The following EPM2A variants were observed in gnomAD, a reference collection of about 807,000 sequenced individuals.
The protein encoded by EPM2A is EPM2A glucan phosphatase, laforin, also known as laforin.
Under a neutral mutation model 26.5 loss-of-function variants are expected in EPM2A, and 21 were observed. That is an observed-to-expected ratio of 0.79 (90% confidence interval 0.56 to 1.14). The LOEUF is 1.14. Among genes scored for constraint, EPM2A ranks in the 50% most tolerant of loss-of-function variants. EPM2A has a pLI of 0.00. For synonymous variants in EPM2A, 217 were observed against 177.6 expected, an observed-to-expected ratio of 1.22 and a Z score of -1.76; for missense variants, 458 against 440.8, an observed-to-expected ratio of 1.04 and a Z score of -0.35.
intron 1 of EPM2A, among the ~76,000 whole-genome samples, chr6:145,732,564 G>T (rs1306383236): frequency 2.0e-5 from 3 of 152,008 alleles, no homozygotes; most frequent in Non-Finnish European, 4.4e-5. Context: ...GACATTGTGA[G>T]AACTGGTTTA....
intron 4 of EPM2A, among the ~76,000 whole-genome samples, chr6:145,428,354 A>G (rs1161501798): frequency 6.6e-6 from 1 of 152,064 alleles, no homozygotes; most frequent in Admixed American, 6.5e-5. Context: ...TCTGACATTT[A>G]ACTTTTATTT....
chr6:145,680,748 T>A (rs1780463528), intron 2 of EPM2A, among the ~76,000 whole-genome samples: 2 of 152,334 alleles, frequency 1.3e-5, no homozygotes, highest in East Asian at 3.9e-4. Context: ...TGCATAGTAT[T>A]CCATGGTGCA....
chr6:145,575,656 A>T (rs138634690), intron 2 of EPM2A, among the ~76,000 whole-genome samples: 113 of 152,320 alleles, frequency 7.4e-4, no homozygotes, highest in African/African-American at 2.6e-3. Flanking sequence ...GTATAGAGTC[A>T]CTAAACTCCT....
At chr6:145,586,639 T>C (rs1167947588) in intron 2 of EPM2A, among the ~76,000 whole-genome samples, 3 of 152,208 alleles carry the variant, frequency 2.0e-5, no homozygotes, top group African/African-American at 2.4e-5. Context: ...GGGTAAGTTA[T>C]ACACAAACTC....
intron 2 of EPM2A, among the ~76,000 whole-genome samples, chr6:145,511,960 G>T (rs1252783500): frequency 1.3e-5 from 2 of 152,072 alleles, no homozygotes; most frequent in African/African-American, 4.8e-5. Context: ...ATTTCTATCT[G>T]CCACTAACAT....
intron 4 of EPM2A, among the ~76,000 whole-genome samples, chr6:145,417,266 C>T (rs996184923): frequency 8.5e-5 from 13 of 152,198 alleles, no homozygotes; most frequent in African/African-American, 3.1e-4. Flanking sequence ...CCAAATCCTA[C>T]AGAAGTCTGT....
intron 4 of EPM2A, among the ~76,000 whole-genome samples, chr6:145,430,360 G>A (rs1278730829): frequency 6.6e-6 from 1 of 152,054 alleles, no homozygotes; most frequent in Middle Eastern, 3.2e-3. Context: ...AGCACTTTGG[G>A]AGGCCAAGGC....
At chr6:145,497,891 C>T (rs1398113883), downstream of EPM2A, among the ~76,000 whole-genome samples, 4 of 152,248 alleles carry the variant, frequency 2.6e-5, no homozygotes, top group East Asian at 1.9e-4. Context: ...TCGCCAAAGC[C>T]GGCAGGCTGG....
At chr6:145,442,555 G>A (rs1340444859) in intron 4 of EPM2A, among the ~76,000 whole-genome samples, 1 of 151,192 alleles carries the variant, frequency 6.6e-6, no homozygotes, top group Admixed American at 6.6e-5. Context: ...ACAGTATGGG[G>A]GAAACTGTCC....
rs900569811 is a variant in EPM2A at position 145,694,347 on chromosome 6, G to A, written c.302-8051C>T. Among the ~76,000 whole-genome samples, 7 of 151,740 alleles carry A rather than the reference G, an allele frequency of 4.6e-5. No individual in the cohort carries two copies. The East Asian group carries it at 7.7e-4, about 17-fold the overall frequency. On this transcript the variant is annotated intron_variant, in intron 1 of 3. Transcript: ENST00000367519. ...ATGATATAGTCATTACAAACTCTTCGGCACTTTGATGTTCTCTTCTAATGG... is the reference window on the plus strand; with the variant it reads ...ATGATATAGTCATTACAAACTCTTCAGCACTTTGATGTTCTCTTCTAATGG...
chr6:145,488,656 TC>T (rs1325845776), intron 4 of EPM2A, among the ~76,000 whole-genome samples: 1 of 152,064 alleles, frequency 6.6e-6, no homozygotes, highest in Non-Finnish European at 1.5e-5. Context: ...TAGCACAAGA[TC>T]TTTACATTAA....
At chr6:145,684,927 G>A (rs552519494) in intron 2 of EPM2A, 6 of 152,166 alleles carry the variant, frequency 3.9e-5, no homozygotes, top group African/African-American at 1.4e-4. Context: ...GTGTTCAAGA[G>A]GACTATTAAT....
At chr6:145,403,426 C>T (rs558632136) in intron 4 of EPM2A, among the ~76,000 whole-genome samples, 60 of 141,192 alleles carry the variant, frequency 4.2e-4, no homozygotes, top group African/African-American at 1.4e-3. Context: ...CTCTACACTA[C>T]CCTTCCAAGC....
chr6:145,558,180 A>C (rs1441363061), intron 2 of EPM2A, among the ~76,000 whole-genome samples: 2 of 152,110 alleles, frequency 1.3e-5, no homozygotes, highest in Admixed American at 6.6e-5. Context: ...ATAGAAGCTT[A>C]GATTGAGTTC....
At chr6:145,559,531 T>C (rs930988299) in intron 2 of EPM2A, among the ~76,000 whole-genome samples, 11 of 152,096 alleles carry the variant, frequency 7.2e-5, no homozygotes, top group Non-Finnish European at 1.5e-4. Flanking sequence ...ATTACAGTTA[T>C]CTTTAATATC....
chr6:145,401,535 A>G (rs931835390), intron 4 of EPM2A, among the ~76,000 whole-genome samples: 1 of 152,150 alleles, frequency 6.6e-6, no homozygotes, highest in African/African-American at 2.4e-5. Flanking sequence ...ATTCTACCCC[A>G]AAGTCCCCCA....
chr6:145,633,660 T>TG (rs2128560831), intron 3 of EPM2A: 1 of 152,366 alleles, frequency 6.6e-6, no homozygotes, highest in African/African-American at 2.4e-5. Flanking sequence ...GTAGATTTCC[T>TG]GTGGTCCTCA....
At chr6:145,401,593 C>T (rs1003809809) in intron 4 of EPM2A, among the ~76,000 whole-genome samples, 39 of 152,226 alleles carry the variant, frequency 2.6e-4, no homozygotes, top group African/African-American at 9.1e-4. Flanking sequence ...ATGGGACTGA[C>T]ATTACACAGT....
chr6:145,434,448 G>T (rs772810898), intron 4 of EPM2A, among the ~76,000 whole-genome samples: 20 of 151,910 alleles, frequency 1.3e-4, no homozygotes, highest in Non-Finnish European at 2.2e-4. Flanking sequence ...GTTCTTGTGA[G>T]ATCTGGTTGT....
Sources: gnomAD v4.1 joint callset for allele counts (sites outside exome capture counted in the v4.1 genomes callset) on GRCh38, gnomAD v4.1.1 for gene constraint, MANE v1.5 for transcripts, NCBI Gene and HGNC (gene_info 2026-07-23, HGNC 2026-07-21) for gene names.